Variants in GRHPR observed in about 807,000 individuals in gnomAD.
The protein encoded by GRHPR is glyoxylate reductase/hydroxypyruvate reductase.
GRHPR carries 35 observed loss-of-function variants against 36.8 expected under a neutral mutation model. The observed-to-expected ratio is 0.95, with a 90% CI of 0.73 to 1.26. The LOEUF (loss-of-function observed/expected upper bound fraction) is 1.26, where lower values mean the gene tolerates loss of function less well. Ranked by LOEUF, GRHPR falls within the 50% of genes most tolerant of loss-of-function variation. GRHPR has a pLI of 0.00. For missense variants in GRHPR, 380 were observed against 435.0 expected, an observed-to-expected ratio of 0.87 and a Z score of 1.12; for synonymous variants, 179 against 181.0, an observed-to-expected ratio of 0.99 and a Z score of 0.09.
chr9:37,429,896 T>C, intron 6 of GRHPR, 60 bp downstream of exon 6: 1 of 1,002,796 alleles, frequency 1.0e-6, no homozygotes, highest in Non-Finnish European at 1.6e-6. Flanking sequence ...GGCTGTATTT[T>C]CTCTCAATGG....
chr9:37,429,224 T>C, intron 5 of GRHPR: 1 of 261,748 alleles, frequency 3.8e-6, no homozygotes, highest in Non-Finnish European at 7.6e-6. Flanking sequence ...TGGGGCACGT[T>C]CTGAGCCTGA....
chr9:37,422,817 C>A lies in GRHPR; in HGVS notation c.67C>A (p.Leu23Ile). Residue 23 changes from leucine to isoleucine, a missense_variant, in exon 1 of 9, where the codon CTC (leucine) becomes ATC (isoleucine). Physicochemically the swap from Leu to Ile is conservative, Grantham distance 5. Coordinates refer to ENST00000318158, the MANE Select transcript of GRHPR (RefSeq NM_012203.2). ...RRIPAEGRVA[L>I]ARAADCEVEQ... ...GATACCCGCCGAGGGTAGGGTCGCG[C>A]TCGCCCGGGCGGCAGAGTAAGAGCC... 1 of 1,599,388 alleles carries A rather than the reference C, an allele frequency of 6.3e-7. No individual in the cohort carries two copies. The highest frequency in any genetic ancestry group is 8.5e-7 in the Non-Finnish European group (1 of 1,174,406).
upstream of GRHPR, chr9:37,422,685 C>G (rs922428846): frequency 2.3e-6 from 3 of 1,304,790 alleles, no homozygotes; most frequent in African/African-American, 4.4e-5. Context: ...TGGCCCCGCC[C>G]CGGCCCAGCT....
At chr9:37,433,721 A>G (rs1823491806) in intron 8 of GRHPR, 1 of 186,022 alleles carries the variant, frequency 5.4e-6, no homozygotes, top group African/African-American at 2.3e-5. Context: ...GGTTTTTGTT[A>G]CCTGCTCAGT....
At chr9:37,427,368 G>A (rs1406820876) in intron 4 of GRHPR, among the ~76,000 whole-genome samples, 2 of 152,196 alleles carry the variant, frequency 1.3e-5, no homozygotes, top group Non-Finnish European at 2.9e-5. Flanking sequence ...CCCATTTAAT[G>A]TGACTTTCCT....
intron 8 of GRHPR, chr9:37,433,951 C>CGGGGGGGG: frequency 2.5e-6 from 1 of 397,456 alleles, no homozygotes; most frequent in African/African-American, 2.1e-5. Context: ...GAAACTCTCC[C>CGGGGGGGG]GTCCCTCCCC....
chr9:37,431,785 G>A (rs182189160), intron 7 of GRHPR: 1 of 514,646 alleles, frequency 1.9e-6, no homozygotes, highest in Admixed American at 3.2e-5. Flanking sequence ...GAGGCACAGA[G>A]AATTTGAGAC....
intron 8 of GRHPR, 27 bp from the exon 9 acceptor site, chr9:37,436,634 C>G (rs1823667002): frequency 6.2e-7 from 1 of 1,608,766 alleles, no homozygotes; most frequent in African/African-American, 1.3e-5. Context: ...CTTCTTATCT[C>G]CCTCTCTCTC....
chr9:37,429,799 C>T lies in GRHPR; in HGVS notation c.561C>T (p.Pro187=), dbSNP rs2118880369. 6.2e-7 allele frequency: 1 copy of T among 1,612,580 alleles called. No individual in the cohort carries two copies. The highest frequency in any genetic ancestry group is 8.5e-7 in the Non-Finnish European group (1 of 1,178,504). The change falls in exon 6 of 9, where the codon CCC becomes CCT. Residue 187 remains proline, a synonymous_variant. Coordinates refer to ENST00000318158, the MANE Select transcript of GRHPR (RefSeq NM_012203.2). The part of the protein sequence containing the change: ...VQRFLYTGRQ[P]RPEEAAEFQA... ...GATTTCTGTACACAGGGCGCCAGCCCAGGCCTGAGGAAGCAGCAGAATTCC... is the reference window on the plus strand; with the variant it reads ...GATTTCTGTACACAGGGCGCCAGCCTAGGCCTGAGGAAGCAGCAGAATTCC...
chr9:37,435,834 C>T (rs777638396), intron 8 of GRHPR, among the ~76,000 whole-genome samples: 10 of 152,270 alleles, frequency 6.6e-5, no homozygotes, highest in African/African-American at 1.4e-4. Context: ...GATGATGTCT[C>T]GCTATGTGGT....
rs1294122320 is a variant in GRHPR at position 37,424,857 on chromosome 9, G to A, written c.96G>A (p.Glu32=). Residue 32 remains glutamate (E), a synonymous_variant, in exon 2 of 9, where the codon GAG becomes GAA. Coordinates refer to ENST00000318158, the MANE Select transcript of GRHPR (RefSeq NM_012203.2). ...CCTTTCCCCGCAGCTGTGAGGTGGA[G>A]CAGTGGGACTCGGATGAGCCCATCC... The part of the protein sequence containing the change: ...ALARAADCEV[E]QWDSDEPIPA... The A allele has an allele frequency of 1.2e-6, 2 of 1,613,388 alleles. No individual in the cohort carries two copies. The highest frequency in any genetic ancestry group is 2.2e-5 in the East Asian group (1 of 44,886).
rs1823641579 is a variant in GRHPR, at chr9:37,436,260, C to T, written c.866-401C>T. Among the ~76,000 whole-genome samples, 4 of 152,136 alleles carry T rather than the reference C, an allele frequency of 2.6e-5. No homozygotes were observed. In the South Asian group the frequency reaches 8.3e-4, roughly 31 times the overall value. ...AGTAGCGGGGACTATAGGTGTGGGC[C>T]ACTACGCCTGGCTAAATTTTTGTAT... On this transcript the variant is annotated intron_variant, in intron 8 of 8. Transcript: ENST00000318158.
At position 37,429,779 on chromosome 9, in the gene GRHPR, C is replaced by A. The variant is rs1359184501; in HGVS notation, c.541C>A (p.Leu181Met). Residue 181 changes from leucine (L) to methionine (M), a missense_variant, in exon 6 of 9, where the codon CTG becomes ATG. Coordinates refer to ENST00000318158, the MANE Select transcript of GRHPR (RefSeq NM_012203.2). ...RLKPFGVQRF[L>M]YTGRQPRPEE... ...GAAACCATTCGGTGTCCAGAGATTT[C>A]TGTACACAGGGCGCCAGCCCAGGCC... 2 of 1,613,812 alleles carry A rather than the reference C, an allele frequency of 1.2e-6. No individual in the cohort carries two copies. Among genetic ancestry groups the A allele is most frequent in the South Asian group, 2.2e-5 (2 of 91,084 alleles).
chr9:37,424,900 C>G lies in GRHPR; in HGVS notation c.139C>G (p.Arg47Gly). 6.2e-7 allele frequency: 1 copy of G among 1,613,464 alleles called. No homozygotes were observed. The highest frequency in any genetic ancestry group is 8.5e-7 in the Non-Finnish European group (1 of 1,179,756). The change falls in exon 2 of 9, where the codon CGA (arginine) becomes GGA (glycine). Residue 47 changes from arginine (R) to glycine (G), a missense_variant. Transcript: ENST00000318158. Reference sequence around the variant, plus strand: ...GCCCATCCCTGCCAAGGAGCTAGAGCGAGGTGTGGCGGGGGCCCACGGCCT... The same window carrying G: ...GCCCATCCCTGCCAAGGAGCTAGAGGGAGGTGTGGCGGGGGCCCACGGCCT... Reference protein sequence around the residue: ...DEPIPAKELERGVAGAHGLLC... With the variant: ...DEPIPAKELEGGVAGAHGLLC...
At position 37,426,527 on chromosome 9, in the gene GRHPR, C is replaced by T. The variant is rs2736664; in HGVS notation, c.288-11C>T. 1,525,458 of 1,547,970 alleles carry T rather than the reference C, an allele frequency of 0.99. 753,636 individuals carry two copies. The highest frequency in any genetic ancestry group is 1 in the East Asian group (44,526 of 44,526). On this transcript the variant is annotated splice_polypyrimidine_tract_variant and intron_variant, in intron 3 of 8. Transcript: ENST00000318158. ...TGAGGCTGATGTTACCACCAGATGTCTGATTCGTAGTGGGATCCGAGTTGG... is the reference window on the plus strand; with the variant it reads ...TGAGGCTGATGTTACCACCAGATGTTTGATTCGTAGTGGGATCCGAGTTGG...
chr9:37,430,684 G>A, intron 7 of GRHPR, 38 bp downstream of exon 7: 7 of 1,598,206 alleles, frequency 4.4e-6, no homozygotes, highest in Non-Finnish European at 6.0e-6. Context: ...GCCTGGAGAG[G>A]AGCCATCCCC....
chr9:37,428,248 T>A lies in GRHPR; in HGVS notation c.405-236T>A. On this transcript the variant is annotated intron_variant, in intron 4 of 8. Coordinates refer to ENST00000318158, the MANE Select transcript of GRHPR (RefSeq NM_012203.2). ...TTGTTTTCCCATCTGCAAAACAGGA[T>A]GAGAGCCAGTAAGGCCCCTTCCCGC... The A allele has an allele frequency of 1.0e-5, 6 of 590,954 alleles. No individual in the cohort carries two copies. The East Asian group carries it at 1.7e-4, about 17-fold the overall frequency. The allele number at this position is 590,954 out of a possible 1,614,324, so 36.6% of individuals were successfully genotyped here.
chr9:37,430,614 G>A lies in GRHPR; in HGVS notation c.702G>A (p.Met234Ile). 6.2e-7 allele frequency: 1 copy of A among 1,614,042 alleles called. No homozygotes were observed. Among genetic ancestry groups the A allele is most frequent in the Non-Finnish European group, 8.5e-7 (1 of 1,179,920 alleles). The change falls in exon 7 of 9, where the codon ATG becomes ATA. Residue 234 changes from methionine to isoleucine, a missense_variant. Physicochemically the swap from Met to Ile is conservative, Grantham distance 10. Coordinates refer to ENST00000318158, the MANE Select transcript of GRHPR (RefSeq NM_012203.2). ...GLCNKDFFQK[M>I]KETAVFINIS... ...GCAACAAGGACTTCTTCCAGAAGAT[G>A]AAGGAAACAGCTGTGTTCATCAACA... is the stretch of plus-strand genomic sequence containing the variant.
At chr9:37,439,127 A>G (rs1823800803), downstream of GRHPR, 1 of 152,240 alleles carries the variant, frequency 6.6e-6, no homozygotes, top group Admixed American at 6.5e-5. Flanking sequence ...AACTGACTTC[A>G]TGAGTTCTAG....
Sources: allele counts gnomAD v4.1 joint callset (sites outside exome capture counted in the v4.1 genomes callset), GRCh38; gene constraint gnomAD v4.1.1; transcripts MANE v1.5; gene names NCBI Gene and HGNC (gene_info 2026-07-23, HGNC 2026-07-21).